Variants in PEX7 observed in about 807,000 individuals in gnomAD.
The protein encoded by PEX7 is peroxisomal biogenesis factor 7, also known as PTS2 receptor.
Under a neutral mutation model 47.5 loss-of-function variants are expected in PEX7, and 34 were observed. That is an observed-to-expected ratio of 0.72 (90% CI 0.54 to 0.95). The LOEUF is 0.95. Ranked by LOEUF, PEX7 falls within the 40% of genes least tolerant of loss-of-function variation. PEX7 has a pLI of 0.00. For synonymous variants in PEX7, 141 were observed against 148.8 expected (o/e 0.95, Z 0.38); for missense variants, 394 against 400.3 (o/e 0.98, Z 0.13).
At chr6:136,880,558 T>C (rs1487641418) in intron 8 of PEX7, among the ~76,000 whole-genome samples, 1 of 152,202 alleles carries the variant, frequency 6.6e-6, no homozygotes. Flanking sequence ...GATTCTGTTT[T>C]GATTTTTCTT....
intron 3 of PEX7, among the ~76,000 whole-genome samples, chr6:136,839,493 GT>G (rs913889862): frequency 3.9e-5 from 6 of 152,088 alleles, no homozygotes; most frequent in Admixed American, 2.0e-4. Flanking sequence ...TGTGCGGTGG[GT>G]TTTTTTCTTT....
intron 9 of PEX7, among the ~76,000 whole-genome samples, chr6:136,907,835 G>A (rs1300796162): frequency 1.3e-5 from 2 of 151,982 alleles, no homozygotes; most frequent in African/African-American, 2.4e-5. Context: ...AATTTTACAC[G>A]TATTTAAAGT....
chr6:136,874,316 C>G (rs1050745908), intron 8 of PEX7, among the ~76,000 whole-genome samples: 2 of 152,164 alleles, frequency 1.3e-5, no homozygotes, highest in Non-Finnish European at 2.9e-5. Context: ...CTTTGTATCT[C>G]TAACGGGATC....
intron 8 of PEX7, among the ~76,000 whole-genome samples, chr6:136,897,346 CAAAT>C (rs1775669598): frequency 6.6e-6 from 1 of 151,986 alleles, no homozygotes; most frequent in African/African-American, 2.4e-5. Flanking sequence ...TGTTTAGAAT[CAAAT>C]AAAAAAGATG....
intron 5 of PEX7, among the ~76,000 whole-genome samples, chr6:136,861,373 A>G (rs1203656368): frequency 6.6e-6 from 1 of 152,140 alleles, no homozygotes; most frequent in Non-Finnish European, 1.5e-5. Flanking sequence ...GTGAGCCACC[A>G]TGCCTGACCT....
At chr6:136,909,810 A>AT (rs1775905009) in intron 9 of PEX7, among the ~76,000 whole-genome samples, 3 of 152,200 alleles carry the variant, frequency 2.0e-5, no homozygotes, top group Non-Finnish European at 4.4e-5. Context: ...AGTTATTATA[A>AT]GTCCTGAATA....
chr6:136,883,884 G>A (rs1463941735), intron 8 of PEX7, among the ~76,000 whole-genome samples: 1 of 152,156 alleles, frequency 6.6e-6, no homozygotes, highest in Non-Finnish European at 1.5e-5. Context: ...CCAGTACGAA[G>A]TGGAGCATTG....
At chr6:136,836,051 T>C (rs1230918714) in intron 3 of PEX7, among the ~76,000 whole-genome samples, 1 of 152,184 alleles carries the variant, frequency 6.6e-6, no homozygotes, top group Non-Finnish European at 1.5e-5. Flanking sequence ...AGTGAGTGAA[T>C]TGTAGATAGA....
intron 5 of PEX7, among the ~76,000 whole-genome samples, chr6:136,858,403 A>G (rs1489685156): frequency 6.6e-6 from 1 of 152,192 alleles, no homozygotes; most frequent in East Asian, 1.9e-4. Context: ...TTGGAGCTCT[A>G]GGGTAATTTG....
At chr6:136,824,775 G>A (rs1238937223) in intron 1 of PEX7, among the ~76,000 whole-genome samples, 1 of 152,202 alleles carries the variant, frequency 6.6e-6, no homozygotes, top group Non-Finnish European at 1.5e-5. Context: ...TGTGTGAGAT[G>A]TGTTTTAGAT....
chr6:136,878,911 A>G (rs998771165), intron 8 of PEX7, among the ~76,000 whole-genome samples: 1 of 151,270 alleles, frequency 6.6e-6, no homozygotes, highest in African/African-American at 2.4e-5. Context: ...AAGTTTTTAT[A>G]TGTTTTAGTG....
At chr6:136,824,743 T>A (rs374804491) in intron 1 of PEX7, among the ~76,000 whole-genome samples, 1 of 152,236 alleles carries the variant, frequency 6.6e-6, no homozygotes, top group Non-Finnish European at 1.5e-5. Flanking sequence ...TATCTCCGCA[T>A]TCATATTTTG....
At chr6:136,823,121 G>A (rs1399907260) in intron 1 of PEX7, 6 of 985,316 alleles carry the variant, frequency 6.1e-6, no homozygotes, top group East Asian at 1.1e-4. Flanking sequence ...AGAGCCGGGG[G>A]AGCCTGCGCG....
At chr6:136,867,162 G>A (rs1472782411) in intron 6 of PEX7, among the ~76,000 whole-genome samples, 1 of 152,028 alleles carries the variant, frequency 6.6e-6, no homozygotes, top group Non-Finnish European at 1.5e-5. Context: ...TCCTTTTTAA[G>A]CCTAACCAAT....
chr6:136,882,042 T>A (rs1450054309), intron 8 of PEX7, among the ~76,000 whole-genome samples: 1 of 152,198 alleles, frequency 6.6e-6, no homozygotes, highest in Admixed American at 6.5e-5. Flanking sequence ...CCAGGTTTCT[T>A]TTATTAATGT....
chr6:136,844,041 C>CT (rs35209285), intron 3 of PEX7, among the ~76,000 whole-genome samples: 21 of 152,216 alleles, frequency 1.4e-4, no homozygotes, highest in African/African-American at 4.8e-4. Context: ...TTTTATTAAA[C>CT]TTTTTTCCAG....
chr6:136,878,666 T>C (rs1562749720), intron 8 of PEX7, among the ~76,000 whole-genome samples: 1 of 152,210 alleles, frequency 6.6e-6, no homozygotes, highest in African/African-American at 2.4e-5. Context: ...ACCATTTTGT[T>C]CTAGGTATGT....
intron 8 of PEX7, among the ~76,000 whole-genome samples, chr6:136,891,551 A>G (rs538259141): frequency 6.6e-6 from 1 of 152,314 alleles, no homozygotes; most frequent in East Asian, 1.9e-4. Context: ...CAAAACCAAA[A>G]AACAGTTTTT....
At chr6:136,854,785 C>G (rs1310436299) in intron 5 of PEX7, among the ~76,000 whole-genome samples, 1 of 152,060 alleles carries the variant, frequency 6.6e-6, no homozygotes, top group South Asian at 2.1e-4. Context: ...TAGAATAGAT[C>G]CACCTCAAAA....
Sources: gnomAD v4.1 joint callset for allele counts (sites outside exome capture counted in the v4.1 genomes callset) on GRCh38, gnomAD v4.1.1 for gene constraint, MANE v1.5 for transcripts, NCBI Gene and HGNC (gene_info 2026-07-23, HGNC 2026-07-21) for gene names.